SPAG17: variants seen among roughly 807,000 people sequenced by gnomAD.
SPAG17 encodes sperm-associated antigen 17.
A neutral mutation model predicts 273.6 loss-of-function variants in SPAG17; 169 were observed. That is an observed-to-expected ratio of 0.62 (90% CI 0.55 to 0.70). The LOEUF is 0.70. SPAG17 is among the 30% of genes least tolerant of loss of function. The probability of loss-of-function intolerance (pLI) is 0.00; values close to 1 mark genes in which losing one functional copy is unlikely to be tolerated. For synonymous variants in SPAG17, 825 were observed against 873.2 expected, an observed-to-expected ratio of 0.94 and a Z score of 0.97; for missense variants, 2,557 against 2,627.8, an observed-to-expected ratio of 0.97 and a Z score of 0.59.
Position 117,972,013 on chromosome 1 carries a change from G to C in SPAG17, c.6176C>G (p.Ser2059Cys), listed in dbSNP as rs754015931. 5 of 1,613,864 alleles carry C rather than the reference G, an allele frequency of 3.1e-6. No individual in the cohort carries two copies. In the South Asian group the frequency reaches 5.5e-5, roughly 18 times the overall value. ...ATTAATGGCAGCAGATGCAACAGAG[G>C]ATGTGTTCACTTTTCCTCCAACAGA... ...QDSVGGKVNT[S>C]SVASAAINNA... Residue 2059 changes from serine to cysteine, a missense_variant, in exon 45 of 49, where the codon TCC becomes TGC. Physicochemically the swap from Ser to Cys is moderately radical, Grantham distance 112 (BLOSUM62 -1). Transcript: ENST00000336338.
chr1:118,012,317 C>T lies in SPAG17; in HGVS notation c.4343G>A (p.Arg1448Gln), dbSNP rs752115449. The T allele has an allele frequency of 2.4e-5, 39 of 1,613,532 alleles. No individual in the cohort carries two copies. The East Asian group carries it at 5.6e-4, about 23-fold the overall frequency. Residue 1448 changes from arginine (R) to glutamine (Q), a missense_variant, in exon 30 of 49, where the codon CGG (arginine) becomes CAG (glutamine). Arg to Gln is a conservative substitution (Grantham distance 43). Transcript: ENST00000336338. ...VVIVERKDGT[R>Q]IVDHADGTRI... ...GGTACCATCAGCATGATCCACTATCCGAGTACCATCTTTCCTTTCAACTAT... is the reference window on the plus strand; with the variant it reads ...GGTACCATCAGCATGATCCACTATCTGAGTACCATCTTTCCTTTCAACTAT...
At chr1:118,055,230 C>A (rs1364707345) in intron 19 of SPAG17, among the ~76,000 whole-genome samples, 2 of 151,994 alleles carry the variant, frequency 1.3e-5, no homozygotes, top group African/African-American at 2.4e-5. Flanking sequence ...CAAGTCCCTG[C>A]CAGAGGCCTC....
chr1:118,143,663 A>G (rs1003462099), intron 3 of SPAG17, among the ~76,000 whole-genome samples: 1 of 152,224 alleles, frequency 6.6e-6, no homozygotes, highest in African/African-American at 2.4e-5. Flanking sequence ...ATATGTAATT[A>G]TTGATTTTTC....
chr1:118,115,236 T>C (rs1657002906), intron 4 of SPAG17, 74 bp downstream of exon 4: 2 of 1,545,012 alleles, frequency 1.3e-6, no homozygotes, highest in African/African-American at 2.8e-5. Context: ...AGAGAGGAAG[T>C]GCCCCTGGAG....
At chr1:118,086,287 T>C (rs1654985859) in intron 12 of SPAG17, among the ~76,000 whole-genome samples, 1 of 152,204 alleles carries the variant, frequency 6.6e-6, no homozygotes, top group African/African-American at 2.4e-5. Context: ...AAATGACTGA[T>C]TCTTCATTCA....
At chr1:118,143,563 A>G (rs766607018) in intron 3 of SPAG17, among the ~76,000 whole-genome samples, 2 of 152,212 alleles carry the variant, frequency 1.3e-5, no homozygotes, top group Non-Finnish European at 2.9e-5. Context: ...GCCAAAAAAA[A>G]AGAGATTAGG....
intron 20 of SPAG17, among the ~76,000 whole-genome samples, chr1:118,044,516 A>G (rs1189238628): frequency 1.3e-5 from 2 of 152,186 alleles, no homozygotes; most frequent in African/African-American, 4.8e-5. Context: ...TCCATAAAAG[A>G]ATGACAAATT....
intron 38 of SPAG17, among the ~76,000 whole-genome samples, chr1:117,990,574 T>C (rs1360009054): frequency 3.9e-5 from 6 of 152,200 alleles, no homozygotes; most frequent in African/African-American, 1.4e-4. Context: ...TTCATTATAG[T>C]TGAGGCTAAC....
rs74114948 is a variant in SPAG17, at chr1:117,972,105, A to T, written c.6142-58T>A. 5.1e-3 allele frequency: 7,379 copies of T among 1,456,494 alleles called. 267 individuals carry two copies. In the African/African-American group the frequency reaches 0.087, roughly 17 times the overall value. The allele number at this position is 1,456,494 out of a possible 1,614,324, so 90.2% of individuals were successfully genotyped here. A position where few individuals can be genotyped will look rare whatever the true frequency, so the allele number is the denominator to read the frequency against. On this transcript the variant is annotated intron_variant, in intron 44 of 48. Coordinates refer to ENST00000336338, the MANE Select transcript of SPAG17 (RefSeq NM_206996.4). ...CTATTTTGAGTTCCCAAGATTAAAA[A>T]AAAAAAAGTCCCTGTCACCAGAGGA...
At chr1:118,179,818 A>G (rs1387461998) in intron 1 of SPAG17, among the ~76,000 whole-genome samples, 2 of 152,084 alleles carry the variant, frequency 1.3e-5, no homozygotes, top group Non-Finnish European at 2.9e-5. Context: ...AGATGTACAA[A>G]TGACCAAAAG....
intron 40 of SPAG17, among the ~76,000 whole-genome samples, chr1:117,985,613 G>A (rs1182564955): frequency 6.6e-6 from 1 of 152,098 alleles, no homozygotes; most frequent in African/African-American, 2.4e-5. Context: ...TTCACGTTAG[G>A]AAAATAAGCC....
At chr1:118,028,430 A>G (rs370214731) in intron 25 of SPAG17, 36 bp from the exon 26 acceptor site, 35 of 1,607,820 alleles carry the variant, frequency 2.2e-5, no homozygotes, top group Non-Finnish European at 2.9e-5. Context: ...ATGGGCTGTC[A>G]TTTTCTTAAT....
At chr1:118,168,890 G>A (rs968790700) in intron 1 of SPAG17, among the ~76,000 whole-genome samples, 1 of 152,180 alleles carries the variant, frequency 6.6e-6, no homozygotes, top group South Asian at 2.1e-4. Flanking sequence ...GGTATAGTCA[G>A]CATGTACCTG....
At chr1:118,067,126 C>CA (rs1335830472) in intron 17 of SPAG17, among the ~76,000 whole-genome samples, 4 of 152,174 alleles carry the variant, frequency 2.6e-5, no homozygotes, top group African/African-American at 9.6e-5. Flanking sequence ...AAATACTAGG[C>CA]ATCAGGCAGA....
chr1:118,039,981 G>T (rs1477166900), intron 22 of SPAG17, among the ~76,000 whole-genome samples: 1 of 152,058 alleles, frequency 6.6e-6, no homozygotes, highest in Non-Finnish European at 1.5e-5. Context: ...ACTGGCTGAG[G>T]CAATGTATGC....
At chr1:118,149,324 C>T (rs995801943) in intron 3 of SPAG17, among the ~76,000 whole-genome samples, 1 of 152,158 alleles carries the variant, frequency 6.6e-6, no homozygotes, top group Non-Finnish European at 1.5e-5. Flanking sequence ...GACTAGACAT[C>T]AAAACTAGGC....
chr1:118,056,698 C>A (rs1300503430), intron 18 of SPAG17, among the ~76,000 whole-genome samples: 3 of 152,122 alleles, frequency 2.0e-5, no homozygotes, highest in African/African-American at 7.2e-5. Context: ...AGCTAGATGG[C>A]TTATATACTC....
intron 41 of SPAG17, 146 bp downstream of exon 41, chr1:117,984,537 T>C: frequency 3.6e-6 from 2 of 552,244 alleles, no homozygotes; most frequent in Middle Eastern, 4.7e-4. Flanking sequence ...TGTGAGAATA[T>C]GGATTTGAAG....
chr1:118,066,945 C>T, intron 17 of SPAG17, 46 bp from the exon 18 acceptor site: 1 of 1,553,562 alleles, frequency 6.4e-7, no homozygotes, highest in Non-Finnish European at 8.7e-7. Flanking sequence ...TTATTTTCCC[C>T]AAGAGAAGGG....
Sources: allele counts gnomAD v4.1 joint callset (sites outside exome capture counted in the v4.1 genomes callset), GRCh38; gene constraint gnomAD v4.1.1; transcripts MANE v1.5; gene names NCBI Gene and HGNC (gene_info 2026-07-23, HGNC 2026-07-21).